The following RNF216 variants were observed in gnomAD, a reference collection of about 807,000 sequenced individuals.
RNF216 encodes E3 ubiquitin-protein ligase RNF216.
Under a neutral mutation model 110.8 loss-of-function variants are expected in RNF216, and 72 were observed. That is an observed-to-expected ratio of 0.65 (90% CI 0.54 to 0.79). The LOEUF (loss-of-function observed/expected upper bound fraction) is 0.79. RNF216 is among the 30% of genes least tolerant of loss of function. The pLI is 0.00. For synonymous variants in RNF216, 495 were observed against 407.5 expected, an observed-to-expected ratio of 1.21 and a Z score of -2.59; for missense variants, 1,342 against 1,141.2, an observed-to-expected ratio of 1.18 and a Z score of -2.54.
chr7:5,712,596 G>C, intron 12 of RNF216, 119 bp downstream of exon 12: 1 of 974,644 alleles, frequency 1.0e-6, no homozygotes, highest in Non-Finnish European at 1.5e-6. Flanking sequence ...TTATTTCTCA[G>C]CAAGAAATGT....
At chr7:5,735,935 A>G (rs1167452289) in intron 5 of RNF216, among the ~76,000 whole-genome samples, 2 of 152,170 alleles carry the variant, frequency 1.3e-5, no homozygotes, top group South Asian at 2.1e-4. Context: ...TCTACTAAAA[A>G]CACAAAAATT....
At chr7:5,753,863 C>T (rs1293524075) in intron 2 of RNF216, among the ~76,000 whole-genome samples, 9 of 152,018 alleles carry the variant, frequency 5.9e-5, no homozygotes, top group East Asian at 3.9e-4. Context: ...TGCGTGGTGG[C>T]GCATGCCTGT....
At chr7:5,704,896 C>A (rs146680178) in intron 13 of RNF216, among the ~76,000 whole-genome samples, 1 of 152,276 alleles carries the variant, frequency 6.6e-6, no homozygotes, top group African/African-American at 2.4e-5. Context: ...TGCTGTTATC[C>A]ATAGGTGAAA....
chr7:5,705,202 CCTA>C (rs1466961015), intron 13 of RNF216, among the ~76,000 whole-genome samples: 2 of 152,164 alleles, frequency 1.3e-5, no homozygotes, highest in South Asian at 2.1e-4. Context: ...TTATGGAGCA[CCTA>C]CTATGTGCCA....
intron 1 of RNF216, among the ~76,000 whole-genome samples, chr7:5,779,430 A>T (rs1209162382): frequency 1.3e-5 from 2 of 152,142 alleles, no homozygotes; most frequent in Admixed American, 1.3e-4. Flanking sequence ...GCAATAAATT[A>T]TGAAATACAA....
At chr7:5,673,274 C>T (rs974433678) in intron 13 of RNF216, among the ~76,000 whole-genome samples, 4 of 152,220 alleles carry the variant, frequency 2.6e-5, no homozygotes, top group East Asian at 1.9e-4. Flanking sequence ...CACCTATCTA[C>T]CCTGCCTGCT....
chr7:5,762,504 A>G (rs1795986098), intron 1 of RNF216, among the ~76,000 whole-genome samples: 2 of 151,674 alleles, frequency 1.3e-5, no homozygotes, highest in East Asian at 1.9e-4. Flanking sequence ...AAAAATTTAA[A>G]AAATAATAAT....
intron 9 of RNF216, among the ~76,000 whole-genome samples, chr7:5,718,855 C>T (rs1387680568): frequency 5.3e-5 from 8 of 152,124 alleles, no homozygotes; most frequent in African/African-American, 1.9e-4. Flanking sequence ...TCCCACCCGG[C>T]CAAACTTAAG....
intron 13 of RNF216, among the ~76,000 whole-genome samples, chr7:5,703,820 T>C (rs144538592): frequency 0.02 from 3,030 of 152,316 alleles, 46 homozygotes; most frequent in Non-Finnish European, 0.032. Flanking sequence ...ACCTCCACCT[T>C]GTGGCCCTAA....
chr7:5,642,867 G>GT (rs1393006925), intron 14 of RNF216, among the ~76,000 whole-genome samples: 1 of 152,230 alleles, frequency 6.6e-6, no homozygotes, highest in Non-Finnish European at 1.5e-5. Context: ...AACCTTCTCT[G>GT]TAAGAGCACC....
intron 2 of RNF216, among the ~76,000 whole-genome samples, chr7:5,754,892 G>A (rs978983823): frequency 2.2e-4 from 33 of 152,170 alleles, no homozygotes; most frequent in African/African-American, 7.9e-4. Flanking sequence ...GCCGGGTGTG[G>A]TGGCATGCAA....
intron 13 of RNF216, among the ~76,000 whole-genome samples, chr7:5,693,008 T>C (rs1347926202): frequency 5.9e-5 from 9 of 152,230 alleles, no homozygotes; most frequent in Non-Finnish European, 7.3e-5. Flanking sequence ...TGTGGGCATA[T>C]TGCACCCATT....
chr7:5,691,702 G>C (rs955454374), intron 13 of RNF216, among the ~76,000 whole-genome samples: 2 of 152,188 alleles, frequency 1.3e-5, no homozygotes, highest in East Asian at 3.8e-4. Flanking sequence ...ACATGGTTCT[G>C]GCCACCCGGC....
chr7:5,725,262 C>T, intron 8 of RNF216, 62 bp downstream of exon 8: 1 of 998,010 alleles, frequency 1.0e-6, no homozygotes, highest in South Asian at 1.4e-5. Context: ...CCTTCACTGA[C>T]TGTGAAGAAG....
intron 1 of RNF216, among the ~76,000 whole-genome samples, chr7:5,763,612 C>A (rs530756556): frequency 2.0e-5 from 3 of 152,110 alleles, no homozygotes; most frequent in South Asian, 2.1e-4. Context: ...TCTCTGTCAT[C>A]CTGGCTGGAG....
rs781130024 is a variant in RNF216 at position 5,715,222 on chromosome 7, T to C, written c.1696-32A>G. ...GCAGTCAAGAAACACACATGAAATG[T>C]CCTGCACTTAAGGAGAGGGGGAGCC... On this transcript the variant is annotated intron_variant, in intron 10 of 16. Transcript: ENST00000389902. The C allele has an allele frequency of 7.5e-6, 12 of 1,600,790 alleles. No homozygotes were observed. In the African/African-American group the frequency reaches 1.6e-4, roughly 21 times the overall value.
In RNF216 at chr7:5,740,104, C is replaced by CTTTTTT. The variant is rs71004698; in HGVS notation, c.1045-758_1045-753dup. On this transcript the variant is annotated intron_variant, in intron 4 of 16. Transcript: ENST00000389902. Reference sequence around the variant, plus strand: ...AAATAGTGGCTACCAGATGTAACACCTTTTTTTTTTTTTTTTTTTTTTTTT... The same window carrying CTTTTTT: ...AAATAGTGGCTACCAGATGTAACACCTTTTTTTTTTTTTTTTTTTTTTTTTTTTTTT... Among the ~76,000 whole-genome samples, 73 of 118,478 alleles carry CTTTTTT rather than the reference C, an allele frequency of 6.2e-4. 2 individuals carry two copies. Among genetic ancestry groups the CTTTTTT allele is most frequent in the Non-Finnish European group, 7.5e-4 (43 of 57,266 alleles). 77.7% of individuals were successfully genotyped at this position (118,478 alleles called of 152,430 possible). A position where few individuals can be genotyped will look rare whatever the true frequency, so the allele number is the denominator to read the frequency against.
intron 11 of RNF216, among the ~76,000 whole-genome samples, chr7:5,714,135 G>T (rs1344327354): frequency 6.6e-6 from 1 of 152,140 alleles, no homozygotes; most frequent in Non-Finnish European, 1.5e-5. Flanking sequence ...GCTAATTTTT[G>T]TATTTTTAGC....
At chr7:5,632,129 G>T (rs887635672) in intron 15 of RNF216, among the ~76,000 whole-genome samples, 2 of 152,196 alleles carry the variant, frequency 1.3e-5, no homozygotes, top group Non-Finnish European at 2.9e-5. Context: ...CCTGGACAGC[G>T]GTCTATAGAG....
Sources: allele counts gnomAD v4.1 joint callset (sites outside exome capture counted in the v4.1 genomes callset), GRCh38; gene constraint gnomAD v4.1.1; transcripts MANE v1.5; gene names NCBI Gene and HGNC (gene_info 2026-07-23, HGNC 2026-07-21).